The following HDAC9 variants were observed in gnomAD, a reference collection of about 807,000 sequenced individuals.
HDAC9 encodes MEF-2 interacting transcription repressor (MITR) protein.
A neutral mutation model predicts 139.4 loss-of-function variants in HDAC9; 41 were observed. The ratio of observed to expected loss-of-function variants is 0.29; its 90% CI spans 0.23 to 0.38. HDAC9 has a LOEUF of 0.38. Among genes scored for constraint, HDAC9 ranks in the 10% least tolerant of loss-of-function variants. The pLI is 1.00. For missense variants in HDAC9, 1,147 were observed against 1,297.0 expected (o/e 0.88, Z 1.78); for synonymous variants, 517 against 476.2 (o/e 1.09, Z -1.12).
chr7:18,299,122 C>T (rs1193251044), intron 1 of HDAC9, among the ~76,000 whole-genome samples: 2 of 151,630 alleles, frequency 1.3e-5, no homozygotes, highest in Non-Finnish European at 2.9e-5. Flanking sequence ...TAGGACTCTG[C>T]ATTGTAAAGT....
At chr7:18,985,294 C>G (rs11977303) in intron 25 of HDAC9, among the ~76,000 whole-genome samples, 3,240 of 152,054 alleles carry the variant, frequency 0.021, 110 homozygotes, top group African/African-American at 0.074. Context: ...TGTTCAATTC[C>G]CACCTATGAG....
chr7:18,967,496 G>GCCCCC (rs144020619), intron 24 of HDAC9, among the ~76,000 whole-genome samples: 7 of 104,776 alleles, frequency 6.7e-5, no homozygotes, highest in African/African-American at 2.8e-4. Context: ...AAATAAAGTT[G>GCCCCC]CCCCCCCCCC....
intron 23 of HDAC9, among the ~76,000 whole-genome samples, chr7:18,943,823 G>A (rs914986589): frequency 6.6e-6 from 1 of 151,994 alleles, no homozygotes; most frequent in Non-Finnish European, 1.5e-5. Context: ...ATTGACCAGA[G>A]ATATTTCTTT....
intron 1 of HDAC9, among the ~76,000 whole-genome samples, chr7:18,349,214 G>A (rs1403739866): frequency 6.6e-6 from 1 of 151,648 alleles, no homozygotes; most frequent in Non-Finnish European, 1.5e-5. Context: ...TGGTCCCTGT[G>A]CTTGAAACTG....
chr7:18,740,744 T>A (rs73069072), intron 13 of HDAC9, among the ~76,000 whole-genome samples: 112 of 152,334 alleles, frequency 7.4e-4, no homozygotes, highest in Non-Finnish European at 1.2e-3. Context: ...AAAGCTGAGA[T>A]AGGCAAAAGC....
chr7:18,325,859 T>C (rs1225780733), intron 1 of HDAC9, among the ~76,000 whole-genome samples: 2 of 152,074 alleles, frequency 1.3e-5, no homozygotes, highest in South Asian at 2.1e-4. Flanking sequence ...AGTAACATGC[T>C]CTACAGGTCT....
At chr7:18,836,628 A>G (rs1796256338) in intron 21 of HDAC9, among the ~76,000 whole-genome samples, 1 of 152,158 alleles carries the variant, frequency 6.6e-6, no homozygotes, top group Non-Finnish European at 1.5e-5. Context: ...TAAGCAAATA[A>G]CTAAATATTA....
intron 1 of HDAC9, among the ~76,000 whole-genome samples, chr7:18,410,339 G>GCTGGAAGTATT (rs1788428735): frequency 6.6e-6 from 1 of 152,084 alleles, no homozygotes. Context: ...CATTGGCAAT[G>GCTGGAAGTATT]GACATAATGA....
At chr7:18,585,642 C>T in intron 3 of HDAC9, 120 bp downstream of exon 3, 1 of 1,257,974 alleles carries the variant, frequency 7.9e-7, no homozygotes, top group Non-Finnish European at 1.1e-6. Context: ...GGATATATGG[C>T]TTGAAGGGAA....
intron 22 of HDAC9, chr7:18,892,050 C>A (rs1285177892): frequency 2.0e-5 from 3 of 152,064 alleles, no homozygotes; most frequent in African/African-American, 7.2e-5. Flanking sequence ...TCATTTACTC[C>A]CATGTAACAA....
intron 1 of HDAC9, among the ~76,000 whole-genome samples, chr7:18,353,860 A>C (rs1783048310): frequency 6.6e-6 from 1 of 152,200 alleles, no homozygotes; most frequent in African/African-American, 2.4e-5. Flanking sequence ...GGTTTTATAG[A>C]AACACAAAGA....
intron 22 of HDAC9, among the ~76,000 whole-genome samples, chr7:18,917,734 G>A (rs373466873): frequency 2.6e-5 from 4 of 151,862 alleles, no homozygotes; most frequent in African/African-American, 9.7e-5. Flanking sequence ...TACTATCCCC[G>A]ATTTATTGAA....
chr7:18,637,264 T>C (rs569289750), intron 8 of HDAC9, among the ~76,000 whole-genome samples: 101 of 152,218 alleles, frequency 6.6e-4, no homozygotes, highest in African/African-American at 2.3e-3. Flanking sequence ...CTAAAGAAGA[T>C]ACATATATTC....
chr7:18,427,298 C>T (rs914407799), intron 1 of HDAC9, among the ~76,000 whole-genome samples: 5 of 152,144 alleles, frequency 3.3e-5, no homozygotes, highest in African/African-American at 1.2e-4. Context: ...GCACCTTACC[C>T]AGTCCCCAAT....
At chr7:18,984,975 A>G (rs1433968850) in intron 25 of HDAC9, among the ~76,000 whole-genome samples, 1 of 152,162 alleles carries the variant, frequency 6.6e-6, no homozygotes, top group East Asian at 1.9e-4. Flanking sequence ...ATATGAGGGA[A>G]TATATTCCCA....
At chr7:18,423,016 AT>A (rs1337589998) in intron 1 of HDAC9, among the ~76,000 whole-genome samples, 9 of 152,174 alleles carry the variant, frequency 5.9e-5, no homozygotes, top group African/African-American at 2.2e-4. Flanking sequence ...ATCAAAAGTT[AT>A]TTTATAGCAG....
chr7:18,594,285 T>C (rs1831840963), intron 6 of HDAC9, among the ~76,000 whole-genome samples: 1 of 152,130 alleles, frequency 6.6e-6, no homozygotes, highest in Admixed American at 6.6e-5. Context: ...ATTATTTTCT[T>C]ACTAGGAATA....
intron 1 of HDAC9, among the ~76,000 whole-genome samples, chr7:18,116,761 T>C (rs1784017156): frequency 6.6e-6 from 1 of 152,152 alleles, no homozygotes; most frequent in Non-Finnish European, 1.5e-5. Flanking sequence ...AGTGATTGAC[T>C]CAGAGGAGAA....
intron 16 of HDAC9, among the ~76,000 whole-genome samples, chr7:18,780,627 A>G (rs1791169714): frequency 2.6e-5 from 4 of 152,058 alleles, no homozygotes; most frequent in Admixed American, 2.6e-4. Flanking sequence ...AGTCATCACT[A>G]CATCATGGAT....
Sources: allele counts gnomAD v4.1 joint callset (sites outside exome capture counted in the v4.1 genomes callset), GRCh38; gene constraint gnomAD v4.1.1; transcripts MANE v1.5; gene names NCBI Gene and HGNC (gene_info 2026-07-23, HGNC 2026-07-21).